EFCAB6: variants seen among roughly 807,000 people sequenced by gnomAD.
EFCAB6 encodes the protein EF-hand calcium binding domain 6, also known as EF-hand calcium-binding domain-containing protein 6.
EFCAB6 carries 156 observed loss-of-function variants against 169.8 expected under a neutral mutation model. The observed-to-expected ratio is 0.92, with a 90% confidence interval of 0.81 to 1.05. The LOEUF (loss-of-function observed/expected upper bound fraction) is 1.05. EFCAB6 is among the 50% of genes least tolerant of loss of function. The pLI, the probability that EFCAB6 is intolerant of heterozygous loss-of-function variation, is 0.00. For missense variants in EFCAB6, 1,800 were observed against 1,829.1 expected (o/e 0.98, Z 0.29); for synonymous variants, 698 against 676.4 (o/e 1.03, Z -0.50).
intron 17 of EFCAB6, among the ~76,000 whole-genome samples, chr22:43,638,407 C>T (rs1255070780): frequency 6.6e-6 from 1 of 152,170 alleles, no homozygotes; most frequent in African/African-American, 2.4e-5. Flanking sequence ...TGTTGATTTA[C>T]CAGATAGTCG....
chr22:43,766,076 C>G (rs149218816), intron 4 of EFCAB6, among the ~76,000 whole-genome samples: 132 of 152,226 alleles, frequency 8.7e-4, no homozygotes, highest in African/African-American at 3.1e-3. Flanking sequence ...CGCTCTGTCA[C>G]GCAGGCTGGA....
chr22:43,566,297 C>T (rs919950529), intron 26 of EFCAB6, among the ~76,000 whole-genome samples: 11 of 152,190 alleles, frequency 7.2e-5, no homozygotes, highest in African/African-American at 2.2e-4. Flanking sequence ...GCTGCCCAGG[C>T]GTGGGATCTC....
intron 2 of EFCAB6, among the ~76,000 whole-genome samples, chr22:43,787,207 T>C (rs2062109694): frequency 6.6e-6 from 1 of 152,180 alleles, no homozygotes; most frequent in African/African-American, 2.4e-5. Flanking sequence ...CTGAAGGTTC[T>C]AGCCAGAGCA....
chr22:43,772,582 G>A (rs1450103025), intron 4 of EFCAB6, among the ~76,000 whole-genome samples: 2 of 150,994 alleles, frequency 1.3e-5, no homozygotes, highest in African/African-American at 2.4e-5. Flanking sequence ...CGGAGGTTGC[G>A]GTGAGCCAAG....
rs1029929617 is a variant in EFCAB6, at chr22:43,678,100, G to C, written c.1315C>G (p.Leu439Val). 2.5e-6 allele frequency: 4 copies of C among 1,608,050 alleles called. No homozygotes were observed. Among genetic ancestry groups the C allele is most frequent in the Non-Finnish European group, 3.4e-6 (4 of 1,177,796 alleles). Reference sequence around the variant, plus strand: ...AGTTCTTTGAATTCTGAATCGCTTAGTTTTACAGCCATGCAATTTAGAATA... The same window carrying C: ...AGTTCTTTGAATTCTGAATCGCTTACTTTTACAGCCATGCAATTTAGAATA... ...RYILNCMAVK[L>V]SDSEFKELMQ... Residue 439 changes from leucine (L) to valine (V), a missense_variant, in exon 13 of 32, where the codon CTA becomes GTA. Coordinates refer to ENST00000262726, the MANE Select transcript of EFCAB6 (RefSeq NM_022785.4).
rs144972616 is a variant in EFCAB6, at chr22:43,798,132, T to C, written c.-8+10863A>G. Among the ~76,000 whole-genome samples the C allele has an allele frequency of 1.6e-3, 244 of 152,148 alleles. 1 individual carries two copies. Among genetic ancestry groups the C allele is most frequent in the African/African-American group, 5.3e-3 (221 of 41,494 alleles). ...CAGGCACAGTGGCTCACACCTGTAA[T>C]CCCAGCACTTCGGGAGGCCAAGACA... On this transcript the variant is annotated intron_variant, in intron 2 of 31. Transcript: ENST00000262726.
intron 1 of EFCAB6, among the ~76,000 whole-genome samples, chr22:43,810,045 C>G (rs760020091): frequency 7.9e-5 from 12 of 152,002 alleles, no homozygotes; most frequent in Non-Finnish European, 1.6e-4. Context: ...GAAGTACAGG[C>G]ACATGCCACC....
intron 8 of EFCAB6, among the ~76,000 whole-genome samples, chr22:43,722,209 A>G (rs547069559): frequency 3.3e-5 from 5 of 152,212 alleles, no homozygotes; most frequent in African/African-American, 1.2e-4. Flanking sequence ...ACCATCTTAC[A>G]CCAATCAGAT....
rs377524253 is a variant in EFCAB6, at chr22:43,726,361, A to G, written c.757+5338T>C. Among the ~76,000 whole-genome samples the G allele has an allele frequency of 2.6e-5, 4 of 151,746 alleles. No individual in the cohort carries two copies. The East Asian group carries it at 7.7e-4, about 29-fold the overall frequency. On this transcript the variant is annotated intron_variant, in intron 8 of 31. Transcript: ENST00000262726. ...GAGTAGACAGAAAGTTTTGCTTCCA[A>G]TTTTGGTGGATTAGCTCATACAACC...
intron 26 of EFCAB6, among the ~76,000 whole-genome samples, chr22:43,560,384 C>T (rs188031048): frequency 7.9e-5 from 12 of 152,304 alleles, no homozygotes; most frequent in East Asian, 7.7e-4. Context: ...TTCAGAAATA[C>T]ACAAATATAT....
chr22:43,560,881 C>T (rs1294600065), intron 26 of EFCAB6, among the ~76,000 whole-genome samples: 1 of 152,184 alleles, frequency 6.6e-6, no homozygotes, highest in Non-Finnish European at 1.5e-5. Flanking sequence ...CCCGCCCTCA[C>T]TTGGGGAGGC....
intron 27 of EFCAB6, chr22:43,540,595 TAATTG>T: frequency 6.9e-7 from 1 of 1,451,064 alleles, no homozygotes; most frequent in Non-Finnish European, 9.1e-7. Flanking sequence ...GGACATTTTT[TAATTG>T]AATTGGGCCC....
At chr22:43,663,027 T>C (rs571753788) in intron 17 of EFCAB6, among the ~76,000 whole-genome samples, 3 of 152,362 alleles carry the variant, frequency 2.0e-5, no homozygotes, top group South Asian at 2.1e-4. Context: ...GAAATGTGTA[T>C]ACTCTATACC....
chr22:43,691,700 T>C (rs1358370863), intron 10 of EFCAB6, among the ~76,000 whole-genome samples: 1 of 152,198 alleles, frequency 6.6e-6, no homozygotes, highest in Non-Finnish European at 1.5e-5. Context: ...TTAAAATTCT[T>C]AAAGCATAAA....
Position 43,552,589 on chromosome 22 carries a change from T to C in EFCAB6, c.3648+2280A>G, listed in dbSNP as rs2048443155. On this transcript the variant is annotated intron_variant, in intron 27 of 31. Transcript: ENST00000262726. ...GTTGAGCTTTTTTTCATATGTTTGT[T>C]GGCTGCATGTAAGAGACACGTCAGC... is the stretch of plus-strand genomic sequence containing the variant. The C allele has an allele frequency of 2.0e-5, 3 of 152,244 alleles. No individual in the cohort carries two copies. The South Asian group carries it at 6.2e-4, about 31-fold the overall frequency. 9.4% of individuals were successfully genotyped at this position (152,244 alleles called of 1,614,324 possible).
At chr22:43,724,192 C>T (rs1179863008) in intron 8 of EFCAB6, among the ~76,000 whole-genome samples, 1 of 152,096 alleles carries the variant, frequency 6.6e-6, no homozygotes, top group Non-Finnish European at 1.5e-5. Context: ...TATCCTAGTT[C>T]AGCACTCTCA....
chr22:43,579,763 C>T (rs1227065387), intron 25 of EFCAB6, among the ~76,000 whole-genome samples: 4 of 151,890 alleles, frequency 2.6e-5, no homozygotes, highest in African/African-American at 9.7e-5. Flanking sequence ...TCATTCCGTA[C>T]ACGCAGGCAT....
intron 26 of EFCAB6, among the ~76,000 whole-genome samples, chr22:43,573,360 T>G (rs1307855836): frequency 6.6e-6 from 1 of 152,102 alleles, no homozygotes; most frequent in East Asian, 1.9e-4. Flanking sequence ...AAAAAAGACT[T>G]GCAAGAGTTC....
In EFCAB6 at chr22:43,529,034, A is replaced by G. The variant is rs2046903503; in HGVS notation, c.4384-59T>C. 6.6e-6 allele frequency: 10 copies of G among 1,506,818 alleles called. No homozygotes were observed. The East Asian group carries it at 1.9e-4, about 28-fold the overall frequency. The allele number at this position is 1,506,818 out of a possible 1,614,324, so 93.3% of individuals were successfully genotyped here. On this transcript the variant is annotated intron_variant, in intron 31 of 31. Coordinates refer to ENST00000262726, the MANE Select transcript of EFCAB6 (RefSeq NM_022785.4). ...GTTTGGTGCCCTAGGTTAAGGAGGCAGGCTGCCAGGAAGGGGCTGGGGGAC... is the reference window on the plus strand; with the variant it reads ...GTTTGGTGCCCTAGGTTAAGGAGGCGGGCTGCCAGGAAGGGGCTGGGGGAC...
Sources: allele counts gnomAD v4.1 joint callset (sites outside exome capture counted in the v4.1 genomes callset), GRCh38; gene constraint gnomAD v4.1.1; transcripts MANE v1.5; gene names NCBI Gene and HGNC (gene_info 2026-07-23, HGNC 2026-07-21).